Variants in NELL1 observed in about 807,000 individuals in gnomAD.
NELL1 encodes the protein protein kinase C-binding protein NELL1.
NELL1 carries 76 observed loss-of-function variants against 107.4 expected under a neutral mutation model. The ratio of observed to expected loss-of-function variants is 0.71; its 90% confidence interval spans 0.59 to 0.86. The LOEUF is 0.86. NELL1 is among the 40% of genes least tolerant of loss of function. The pLI is 0.00. For missense variants in NELL1, 1,024 were observed against 1,005.5 expected (o/e 1.02, Z -0.25); for synonymous variants, 353 against 341.2 (o/e 1.03, Z -0.38).
chr11:21,056,122 C>G (rs1243495287), intron 12 of NELL1, among the ~76,000 whole-genome samples: 1 of 152,080 alleles, frequency 6.6e-6, no homozygotes, highest in East Asian at 1.9e-4. Flanking sequence ...TGAGAGAGGT[C>G]CAGTAATTTG....
At chr11:21,420,184 G>T (rs2133820853) in intron 15 of NELL1, among the ~76,000 whole-genome samples, 1 of 152,122 alleles carries the variant, frequency 6.6e-6, no homozygotes, top group Middle Eastern at 3.4e-3. Context: ...TCTCAACTTT[G>T]TCGCATAACA....
intron 15 of NELL1, among the ~76,000 whole-genome samples, chr11:21,478,508 T>A (rs1309407943): frequency 1.3e-5 from 2 of 152,062 alleles, no homozygotes; most frequent in Non-Finnish European, 2.9e-5. Flanking sequence ...GCCTGTAAAA[T>A]CAAATGCAGG....
chr11:21,321,806 A>G (rs1443172259), intron 14 of NELL1, among the ~76,000 whole-genome samples: 2 of 152,222 alleles, frequency 1.3e-5, no homozygotes, highest in Non-Finnish European at 2.9e-5. Context: ...AGTCCCACAC[A>G]TGGTGTAAGG....
At chr11:20,751,041 TTGTGTGTG>T (rs1049414804) in intron 2 of NELL1, among the ~76,000 whole-genome samples, 2 of 150,126 alleles carry the variant, frequency 1.3e-5, no homozygotes, top group African/African-American at 4.9e-5. Context: ...GTGTGTGTGT[TTGTGTGTG>T]TGTGTGTATA....
chr11:21,026,341 C>T (rs973746025), intron 12 of NELL1, among the ~76,000 whole-genome samples: 1 of 152,152 alleles, frequency 6.6e-6, no homozygotes, highest in African/African-American at 2.4e-5. Flanking sequence ...GACCTGCCAA[C>T]ACAGCAGACA....
At chr11:21,116,115 A>G (rs1855229661) in intron 13 of NELL1, among the ~76,000 whole-genome samples, 1 of 152,010 alleles carries the variant, frequency 6.6e-6, no homozygotes, top group African/African-American at 2.4e-5. Flanking sequence ...GGATACATTT[A>G]TCAAGGCCAT....
Position 20,937,788 on chromosome 11 carries a change from A to G in NELL1, c.1000A>G (p.Lys334Glu). ...AGQCCKVCRPKCIYGGKVLAE... is the reference protein window; with the variant it reads ...AGQCCKVCRPECIYGGKVLAE... ...CCCATTTTTATGTTTTATTACAGCA[A>G]AATGTATCTATGGAGGAAAAGTTCT... The change falls in exon 10 of 20, where the codon AAA (lysine) becomes GAA (glutamate). Residue 334 changes from lysine (K) to glutamate (E), a missense_variant and splice_region_variant. Coordinates refer to ENST00000357134, the MANE Select transcript of NELL1 (RefSeq NM_006157.5). 6.2e-7 allele frequency: 1 copy of G among 1,613,932 alleles called. No individual in the cohort carries two copies. Among genetic ancestry groups the G allele is most frequent in the South Asian group, 1.1e-5 (1 of 91,068 alleles).
At chr11:20,735,230 T>TGG (rs1855733887) in intron 2 of NELL1, among the ~76,000 whole-genome samples, 2 of 152,196 alleles carry the variant, frequency 1.3e-5, no homozygotes, top group African/African-American at 2.4e-5. Context: ...AATTGTCCAA[T>TGG]GGCTTGGGAA....
intron 3 of NELL1, among the ~76,000 whole-genome samples, chr11:20,804,943 C>CCCA (rs1857350927): frequency 1.3e-5 from 2 of 152,148 alleles, no homozygotes; most frequent in Non-Finnish European, 2.9e-5. Context: ...ATTTGCTTTA[C>CCCA]ACATCTGGGT....
chr11:20,971,941 C>T (rs911261499), intron 12 of NELL1, among the ~76,000 whole-genome samples: 5 of 151,496 alleles, frequency 3.3e-5, no homozygotes, highest in African/African-American at 9.7e-5. Context: ...AACCAAACAC[C>T]GCATGTTCTC....
intron 13 of NELL1, among the ~76,000 whole-genome samples, chr11:21,212,010 G>C (rs1565113295): frequency 1.3e-5 from 2 of 152,044 alleles, no homozygotes; most frequent in Non-Finnish European, 2.9e-5. Context: ...ATTTTTAGTA[G>C]AGATGGGGTT....
chr11:21,137,360 A>G (rs111972310), intron 13 of NELL1, among the ~76,000 whole-genome samples: 1 of 152,102 alleles, frequency 6.6e-6, no homozygotes, highest in Non-Finnish European at 1.5e-5. Context: ...AGGCAGAAAG[A>G]GTTGGTGGTT....
At chr11:21,110,315 G>A (rs1045490428) in intron 12 of NELL1, among the ~76,000 whole-genome samples, 2 of 152,118 alleles carry the variant, frequency 1.3e-5, no homozygotes, top group Non-Finnish European at 2.9e-5. Flanking sequence ...TGGGCACAGA[G>A]TCTCAATGAC....
chr11:20,765,169 AAAAAT>A (rs1328652616), intron 2 of NELL1, among the ~76,000 whole-genome samples: 4 of 151,944 alleles, frequency 2.6e-5, no homozygotes, highest in Non-Finnish European at 5.9e-5. Context: ...GTTAAAAAAA[AAAAAT>A]AAAATGAGGC....
At chr11:21,213,381 A>G (rs968649294) in intron 13 of NELL1, among the ~76,000 whole-genome samples, 53 of 152,308 alleles carry the variant, frequency 3.5e-4, no homozygotes, top group African/African-American at 1.1e-3. Context: ...GAAGTGCAAA[A>G]GAACTAGAAT....
chr11:21,342,642 TA>T (rs369016970), intron 14 of NELL1, among the ~76,000 whole-genome samples: 18,528 of 120,490 alleles, frequency 0.15, 1,372 homozygotes, highest in East Asian at 0.22. Flanking sequence ...AGACTGTCTT[TA>T]AAAAAAAAAA....
chr11:20,967,821 C>T (rs1471131905), intron 12 of NELL1, among the ~76,000 whole-genome samples: 1 of 152,162 alleles, frequency 6.6e-6, no homozygotes, highest in Non-Finnish European at 1.5e-5. Flanking sequence ...TCTCATAGCT[C>T]CCATGCCTCT....
intron 12 of NELL1, among the ~76,000 whole-genome samples, chr11:21,003,079 G>T (rs1291356950): frequency 6.6e-6 from 1 of 152,006 alleles, no homozygotes; most frequent in Non-Finnish European, 1.5e-5. Flanking sequence ...ATAATTAATT[G>T]AATAAGCATT....
intron 13 of NELL1, 133 bp downstream of exon 13, chr11:21,113,847 C>G (rs2133729449): frequency 1.2e-6 from 1 of 868,204 alleles, no homozygotes; most frequent in East Asian, 2.9e-5. Flanking sequence ...TACTTCACCC[C>G]ACCTTTTGAG....
Sources: allele counts gnomAD v4.1 joint callset (sites outside exome capture counted in the v4.1 genomes callset), GRCh38; gene constraint gnomAD v4.1.1; transcripts MANE v1.5; gene names NCBI Gene and HGNC (gene_info 2026-07-23, HGNC 2026-07-21).